Variants in DMBT1 observed in about 807,000 individuals in gnomAD.
The protein encoded by DMBT1 is deleted in malignant brain tumors 1.
In DMBT1, 198 loss-of-function variants were observed where a neutral mutation model predicts 252.9. The ratio of observed to expected loss-of-function variants is 0.78; its 90% CI spans 0.70 to 0.88. DMBT1 has a LOEUF of 0.88. DMBT1 is among the 40% of genes least tolerant of loss of function. The pLI is 0.00. For synonymous variants in DMBT1, 990 were observed against 942.7 expected (o/e 1.05, Z -0.92); for missense variants, 2,432 against 2,404.7 (o/e 1.01, Z -0.24).
intron 19 of DMBT1, 123 bp from the exon 20 acceptor site, chr10:122,592,149 T>C: frequency 7.0e-7 from 1 of 1,428,780 alleles, no homozygotes; most frequent in African/African-American, 1.4e-5. Flanking sequence ...GTTGCAGTCG[T>C]ATTCAATCGT....
intron 43 of DMBT1, among the ~76,000 whole-genome samples, chr10:122,620,825 A>T (rs931772930): frequency 6.6e-6 from 1 of 152,228 alleles, no homozygotes; most frequent in Non-Finnish European, 1.5e-5. Context: ...TGTCACCTCC[A>T]GTGGGGTCAC....
chr10:122,591,608 G>T, intron 19 of DMBT1, 91 bp downstream of exon 19: 2 of 1,382,786 alleles, frequency 1.4e-6, no homozygotes, highest in Non-Finnish European at 2.0e-6. Flanking sequence ...GTCAAGGTGG[G>T]CCCCTGTCTT....
chr10:122,641,793 G>A (rs1844581120), intron 55 of DMBT1, among the ~76,000 whole-genome samples: 1 of 152,130 alleles, frequency 6.6e-6, no homozygotes, highest in African/African-American at 2.4e-5. Flanking sequence ...AGGGGTAGAT[G>A]TACCCTGGCT....
chr10:122,586,369 G>T lies in DMBT1; in HGVS notation c.1769G>T (p.Gly590Val). ...SHNCGHSEDA[G>V]VICSGPESSL... The stretch of plus-strand genomic sequence containing the variant: ...AACTGTGGCCATAGTGAAGACGCTG[G>T]TGTCATCTGCTCAGGTGGGCCTCCA... The change falls in exon 16 of 56, where the codon GGT becomes GTT. Residue 590 changes from glycine (G) to valine (V), a missense_variant. By Grantham distance (109) the Gly-to-Val change is moderately radical (BLOSUM62 -3). Around this residue, in one of 3 missense-constraint regions of DMBT1, gnomAD observed 1,264 missense variants for 1,082.2 expected, o/e 1.17. Transcript: ENST00000338354. 6.3e-7 allele frequency: 1 copy of T among 1,588,604 alleles called. No individual in the cohort carries two copies. The highest frequency in any genetic ancestry group is 8.6e-7 in the Non-Finnish European group (1 of 1,165,804).
At chr10:122,620,389 G>T in intron 43 of DMBT1, 98 bp downstream of exon 43, 1 of 1,429,220 alleles carries the variant, frequency 7.0e-7, no homozygotes, top group Non-Finnish European at 9.7e-7. Context: ...TGGCGCCTCT[G>T]TTTTTCATGT....
At chr10:122,572,248 GC>G in intron 4 of DMBT1, 65 bp from the exon 5 acceptor site, 1 of 1,600,652 alleles carries the variant, frequency 6.2e-7, no homozygotes. Context: ...ACCTGAGGAA[GC>G]CATGGACCAA....
At position 122,633,160 on chromosome 10, in the gene DMBT1, T is replaced by A. The variant is rs768647535; in HGVS notation, c.6398-31T>A. 1.9e-6 allele frequency: 3 copies of A among 1,611,762 alleles called. No homozygotes were observed. In the African/African-American group the frequency reaches 4.0e-5, roughly 22 times the overall value. The stretch of plus-strand genomic sequence containing the variant: ...TAGACTGTGCAGTGTGCTCTGGGGG[T>A]CACCGACATTCCCACTTTTTGTCCT... On this transcript the variant is annotated intron_variant, in intron 51 of 55. Transcript: ENST00000338354.
intron 4 of DMBT1, among the ~76,000 whole-genome samples, chr10:122,571,801 C>T (rs3013237): frequency 0.69 from 104,575 of 152,142 alleles, 36,156 homozygotes; most frequent in East Asian, 0.77. Flanking sequence ...CCCTTGATAA[C>T]CCAATCACCA....
At chr10:122,619,583 C>T (rs974912373) in intron 42 of DMBT1, among the ~76,000 whole-genome samples, 1 of 152,194 alleles carries the variant, frequency 6.6e-6, no homozygotes, top group African/African-American at 2.4e-5. Flanking sequence ...AATGGACAAG[C>T]CTTACAGGTT....
In DMBT1 at chr10:122,631,108, G is replaced by A; in HGVS notation, c.6173G>A (p.Cys2058Tyr). Residue 2058 changes from cysteine (C) to tyrosine (Y), a missense_variant, in exon 49 of 56, where the codon TGT becomes TAT. Transcript: ENST00000338354. ...EAEVVCRQLG[C>Y]GRAVSALGNA... is the part of the protein sequence containing the mutation. ...GAGGTGGTCTGCAGACAGCTAGGGT[G>A]TGGACGTGCAGTTTCAGCCCTTGGA... 5.0e-6 allele frequency: 8 copies of A among 1,614,016 alleles called. No individual in the cohort carries two copies. Among genetic ancestry groups the A allele is most frequent in the Non-Finnish European group, 6.8e-6 (8 of 1,179,902 alleles).
intron 10 of DMBT1, among the ~76,000 whole-genome samples, chr10:122,580,318 G>C (rs1447532807): frequency 6.6e-6 from 1 of 152,226 alleles, no homozygotes; most frequent in Admixed American, 6.5e-5. Context: ...CTGAGACCCA[G>C]TGAGGAGGTC....
rs771599137 is a variant in DMBT1 at position 122,570,933 on chromosome 10, A to T, written c.183A>T (p.Ala61=). Residue 61 remains alanine (A), a synonymous_variant, in exon 4 of 56, where the codon GCA becomes GCT. Coordinates refer to ENST00000338354, the MANE Select transcript of DMBT1 (RefSeq NM_001377530.1). ...PSESTLESTV[A]EGSPISLEST... ...AGTCGACCCTGGAGTCAACTGTAGC[A>T]GAAGGTAACGTCTACTATGGGGGAT... 4 of 1,613,270 alleles carry T rather than the reference A, an allele frequency of 2.5e-6. No individual in the cohort carries two copies. The highest frequency in any genetic ancestry group is 3.4e-6 in the Non-Finnish European group (4 of 1,179,248).
chr10:122,579,283 T>G (rs1291345871), intron 9 of DMBT1, among the ~76,000 whole-genome samples: 1 of 152,124 alleles, frequency 6.6e-6, no homozygotes, highest in Non-Finnish European at 1.5e-5. Flanking sequence ...GGGCCTGCCA[T>G]CTGGAGCTGA....
chr10:122,588,673 C>T (rs1214206734), intron 16 of DMBT1, among the ~76,000 whole-genome samples: 2 of 148,984 alleles, frequency 1.3e-5, no homozygotes, highest in South Asian at 2.2e-4. Flanking sequence ...CCTGTGTGTG[C>T]CCAGAGTAGG....
rs760995112 is a variant in DMBT1 at position 122,588,990 on chromosome 10, G to T, written c.1830G>T (p.Arg610Ser). The T allele has an allele frequency of 1.1e-4, 167 of 1,588,454 alleles. 15 individuals carry two copies. Among genetic ancestry groups the T allele is most frequent in the Non-Finnish European group, 1.4e-4 (162 of 1,165,912 alleles). The change falls in exon 17 of 56, where the codon AGG becomes AGT. Residue 610 changes from arginine (R) to serine (S), a missense_variant. This residue lies in a region of DMBT1 where 1,264 missense variants were observed against 1,082.2 expected (regional missense o/e 1.17). Coordinates refer to ENST00000338354, the MANE Select transcript of DMBT1 (RefSeq NM_001377530.1). ...TGAGGCTGGTGAATGGAGGTGACAG[G>T]TGTCAGGGCCGAGTGGAGGTCCTAT... The part of the protein sequence containing the change: ...LALRLVNGGD[R>S]CQGRVEVLYR...
intron 44 of DMBT1, among the ~76,000 whole-genome samples, chr10:122,622,277 C>T (rs1158410637): frequency 6.6e-6 from 1 of 152,182 alleles, no homozygotes; most frequent in East Asian, 1.9e-4. Flanking sequence ...CGCTCCCTAC[C>T]TCAATCAATG....
Position 122,630,192 on chromosome 10 carries a change from G to C in DMBT1, c.5823-96G>C, listed in dbSNP as rs139253589. The C allele has an allele frequency of 1.8e-4, 248 of 1,384,664 alleles. No individual in the cohort carries two copies. The African/African-American group carries it at 2.9e-3, about 16-fold the overall frequency. The allele number at this position is 1,384,664 out of a possible 1,614,324, so 85.8% of individuals were successfully genotyped here. On this transcript the variant is annotated intron_variant, in intron 47 of 55. Coordinates refer to ENST00000338354, the MANE Select transcript of DMBT1 (RefSeq NM_001377530.1). ...TGAGGAAGAGCTAGAAGAAAAACCT[G>C]TATTCAATGGCATCCCTCGTAAAGT...
chr10:122,630,087 T>G (rs1178593045), intron 47 of DMBT1, 94 bp downstream of exon 47: 2 of 1,540,060 alleles, frequency 1.3e-6, no homozygotes, highest in Non-Finnish European at 1.8e-6. Context: ...CTTTTCACTC[T>G]CATGTGCCAT....
rs531018583 is a variant in DMBT1, at chr10:122,576,490, C to G, written c.375C>G (p.Thr125=). ...TCCTATACCGAGGCTCCTGGGGCACCGTGTGTGATGACAGCTGGGACACCA... is the reference window on the plus strand; with the variant it reads ...TCCTATACCGAGGCTCCTGGGGCACGGTGTGTGATGACAGCTGGGACACCA... ...VEILYRGSWG[T]VCDDSWDTND... Residue 125 remains threonine (T), a synonymous_variant, in exon 7 of 56, where the codon ACC becomes ACG. Coordinates refer to ENST00000338354, the MANE Select transcript of DMBT1 (RefSeq NM_001377530.1). 6.2e-6 allele frequency: 10 copies of G among 1,613,952 alleles called. No homozygotes were observed. Among genetic ancestry groups the G allele is most frequent in the Non-Finnish European group, 8.5e-6 (10 of 1,179,866 alleles).
Sources: gnomAD v4.1 joint callset for allele counts (sites outside exome capture counted in the v4.1 genomes callset) on GRCh38, gnomAD v4.1.1 for gene constraint, gnomAD v4.1.1 regional missense constraint, MANE v1.5 for transcripts, NCBI Gene and HGNC (gene_info 2026-07-23, HGNC 2026-07-21) for gene names.